C8orf34: variants seen among roughly 807,000 people sequenced by gnomAD.
C8orf34 encodes the protein chromosome 8 open reading frame 34, also known as uncharacterized protein C8orf34.
Under a neutral mutation model 68.3 loss-of-function variants are expected in C8orf34, and 65 were observed. The ratio of observed to expected loss-of-function variants is 0.95; its 90% CI spans 0.78 to 1.17. The LOEUF (loss-of-function observed/expected upper bound fraction) is 1.17. C8orf34 is among the 50% of genes most tolerant of loss of function. The probability of loss-of-function intolerance (pLI) is 0.00; values close to 1 mark genes in which losing one functional copy is unlikely to be tolerated. For synonymous variants in C8orf34, 244 were observed against 241.2 expected (o/e 1.01, Z -0.11); for missense variants, 664 against 655.4 (o/e 1.01, Z -0.14).
intron 10 of C8orf34, among the ~76,000 whole-genome samples, chr8:68,766,976 G>C (rs1450334094): frequency 6.6e-6 from 1 of 152,160 alleles, no homozygotes; most frequent in Non-Finnish European, 1.5e-5. Context: ...CTGAGGTCGG[G>C]AGTTCGAGAC....
intron 3 of C8orf34, among the ~76,000 whole-genome samples, chr8:68,466,015 C>T (rs1812114370): frequency 1.5e-5 from 2 of 132,506 alleles, no homozygotes; most frequent in Admixed American, 1.7e-4. Context: ...GGTGCGTATA[C>T]ACAATGAAAT....
intron 5 of C8orf34, among the ~76,000 whole-genome samples, chr8:68,519,742 A>C (rs1050604828): frequency 6.6e-5 from 10 of 152,108 alleles, no homozygotes; most frequent in Non-Finnish European, 1.3e-4. Context: ...GTGGGGGGGA[A>C]GAATTTTATG....
At chr8:68,720,126 T>C (rs939908303) in intron 9 of C8orf34, among the ~76,000 whole-genome samples, 4 of 152,006 alleles carry the variant, frequency 2.6e-5, no homozygotes, top group African/African-American at 9.7e-5. Context: ...CTATGTTCTG[T>C]CAGGAAAAGT....
intron 1 of C8orf34, among the ~76,000 whole-genome samples, chr8:68,368,131 C>T (rs1253948813): frequency 3.3e-5 from 5 of 152,010 alleles, no homozygotes; most frequent in African/African-American, 7.2e-5. Flanking sequence ...CCTAGGTGAA[C>T]ACAGTTTGTA....
At chr8:68,793,625 G>A (rs1193051985) in intron 12 of C8orf34, among the ~76,000 whole-genome samples, 1 of 152,146 alleles carries the variant, frequency 6.6e-6, no homozygotes, top group Non-Finnish European at 1.5e-5. Context: ...GAGAACACAT[G>A]GACACATGCA....
At chr8:68,357,178 C>T (rs1056516420) in intron 1 of C8orf34, among the ~76,000 whole-genome samples, 1 of 151,938 alleles carries the variant, frequency 6.6e-6, no homozygotes, top group Admixed American at 6.6e-5. Flanking sequence ...TAATTAAAAT[C>T]AGCTACAGCC....
intron 10 of C8orf34, among the ~76,000 whole-genome samples, chr8:68,750,429 A>G (rs1040953556): frequency 6.6e-6 from 1 of 152,180 alleles, no homozygotes; most frequent in Non-Finnish European, 1.5e-5. Flanking sequence ...AAAGTAGATT[A>G]GGGTTTTCTA....
At chr8:68,404,635 C>A (rs1809109844) in intron 1 of C8orf34, among the ~76,000 whole-genome samples, 2 of 152,254 alleles carry the variant, frequency 1.3e-5, no homozygotes, top group Middle Eastern at 6.8e-3. Flanking sequence ...ATAGGGAATC[C>A]TTTCCCCATT....
At chr8:68,378,727 A>C (rs992847909) in intron 1 of C8orf34, among the ~76,000 whole-genome samples, 1 of 152,206 alleles carries the variant, frequency 6.6e-6, no homozygotes, top group Non-Finnish European at 1.5e-5. Context: ...ATAAGCCATT[A>C]ATTCTTTTTT....
intron 8 of C8orf34, among the ~76,000 whole-genome samples, chr8:68,642,360 T>C (rs979075046): frequency 2.0e-5 from 3 of 152,228 alleles, no homozygotes; most frequent in African/African-American, 7.2e-5. Flanking sequence ...TGGAAGAAGA[T>C]TCTAGACTGT....
At chr8:68,527,322 A>G (rs1330907352) in intron 6 of C8orf34, among the ~76,000 whole-genome samples, 1 of 152,166 alleles carries the variant, frequency 6.6e-6, no homozygotes, top group African/African-American at 2.4e-5. Context: ...TCACGCCTGT[A>G]AGCGCTCTGG....
intron 8 of C8orf34, among the ~76,000 whole-genome samples, chr8:68,687,688 G>A (rs551299009): frequency 4.3e-4 from 65 of 151,828 alleles, no homozygotes; most frequent in Admixed American, 5.3e-4. Flanking sequence ...AAAACTCTTC[G>A]GGATATTGGC....
intron 7 of C8orf34, among the ~76,000 whole-genome samples, chr8:68,596,982 C>A (rs1463497679): frequency 6.6e-6 from 1 of 152,106 alleles, no homozygotes; most frequent in Admixed American, 6.6e-5. Context: ...CATGTACATG[C>A]GGTTTCTTTG....
Position 68,468,935 on chromosome 8 carries a change from C to T in C8orf34, c.736+115C>T, listed in dbSNP as rs1812264194. ...ATCCTCATTCTAATTCTGCAAGAGG[C>T]TGAGTAGTTCTAAGGGCATGAGATT... is the stretch of plus-strand genomic sequence containing the variant. On this transcript the variant is annotated intron_variant, in intron 4 of 13. Coordinates refer to ENST00000518698, the MANE Select transcript of C8orf34 (RefSeq NM_052958.4). 6.1e-6 allele frequency: 7 copies of T among 1,138,810 alleles called. No individual in the cohort carries two copies. In the South Asian group the frequency reaches 1.1e-4, roughly 18 times the overall value. The allele number at this position is 1,138,810 out of a possible 1,614,324, so 70.5% of individuals were successfully genotyped here.
chr8:68,528,099 G>A (rs1160435716), intron 6 of C8orf34, among the ~76,000 whole-genome samples: 1 of 152,116 alleles, frequency 6.6e-6, no homozygotes, highest in Non-Finnish European at 1.5e-5. Context: ...ACATTCAAAT[G>A]TCCGGCTCCT....
intron 7 of C8orf34, among the ~76,000 whole-genome samples, chr8:68,612,215 A>G (rs1326604094): frequency 6.6e-6 from 1 of 152,098 alleles, no homozygotes; most frequent in Non-Finnish European, 1.5e-5. Context: ...ATGGGCTGCT[A>G]TCTATGTGCC....
At chr8:68,500,000 C>A (rs151249530) in intron 5 of C8orf34, among the ~76,000 whole-genome samples, 59 of 152,130 alleles carry the variant, frequency 3.9e-4, no homozygotes, top group African/African-American at 1.4e-3. Context: ...TATGTGCGAC[C>A]ATCCTCCTCA....
chr8:68,403,378 T>C (rs1186549963), intron 1 of C8orf34, among the ~76,000 whole-genome samples: 1 of 152,190 alleles, frequency 6.6e-6, no homozygotes, highest in Non-Finnish European at 1.5e-5. Context: ...CTTTTGTCTC[T>C]GTACATTCTT....
intron 7 of C8orf34, among the ~76,000 whole-genome samples, chr8:68,544,643 A>G (rs1337128664): frequency 6.6e-6 from 1 of 152,208 alleles, no homozygotes; most frequent in Non-Finnish European, 1.5e-5. Flanking sequence ...TATTGTATGC[A>G]TTTAATGGAA....
Sources: gnomAD v4.1 joint callset for allele counts (sites outside exome capture counted in the v4.1 genomes callset) on GRCh38, gnomAD v4.1.1 for gene constraint, MANE v1.5 for transcripts, NCBI Gene and HGNC (gene_info 2026-07-23, HGNC 2026-07-21) for gene names.